Variants in TMEM53 observed in about 807,000 individuals in gnomAD.
TMEM53 encodes the protein novel DUF829 domain-containing protein.
In TMEM53, 14 loss-of-function variants were observed where a neutral mutation model predicts 21.4. The observed-to-expected ratio is 0.65, with a 90% CI of 0.43 to 1.02. The LOEUF (loss-of-function observed/expected upper bound fraction) is 1.02. TMEM53 is among the 50% of genes least tolerant of loss of function. The probability of loss-of-function intolerance (pLI) is 0.00; values close to 1 mark genes in which losing one functional copy is unlikely to be tolerated. For synonymous variants in TMEM53, 148 were observed against 157.4 expected, an observed-to-expected ratio of 0.94 and a Z score of 0.45; for missense variants, 323 against 383.6, an observed-to-expected ratio of 0.84 and a Z score of 1.32.
intron 1 of TMEM53, among the ~76,000 whole-genome samples, chr1:44,672,813 G>C (rs1425362609): frequency 6.6e-6 from 1 of 151,662 alleles, no homozygotes; most frequent in African/African-American, 2.4e-5. Context: ...AACCACAGGG[G>C]AGCAATGCAA....
intron 1 of TMEM53, among the ~76,000 whole-genome samples, chr1:44,672,803 A>C (rs1420600599): frequency 2.0e-5 from 3 of 150,262 alleles, no homozygotes; most frequent in Non-Finnish European, 1.5e-5. Context: ...GCTGAGGGGG[A>C]ACCACAGGGG....
rs757426701 is a variant in TMEM53, at chr1:44,654,886, C to G, written c.507G>C (p.Leu169=). Reference sequence around the variant, plus strand: ...CAAAGGCCACCAGCAGCAACAGGCGCAGCATGGCGGCCCGGCGCTCCAGGA... The same window carrying G: ...CAAAGGCCACCAGCAGCAACAGGCGGAGCATGGCGGCCCGGCGCTCCAGGA... The part of the protein sequence containing the change: ...AAILERRAAM[L]RLLLLVAFAL... The change falls in exon 3 of 3, where the codon CTG becomes CTC. Residue 169 remains leucine, a synonymous_variant. Coordinates refer to ENST00000372237, the MANE Select transcript of TMEM53 (RefSeq NM_024587.4). This position sits in a 1 kb window ranked among gnomAD's most constrained non-coding sequence, Gnocchi z 7.0. 2 of 1,612,534 alleles carry G rather than the reference C, an allele frequency of 1.2e-6. No individual in the cohort carries two copies. Among genetic ancestry groups the G allele is most frequent in the African/African-American group, 2.7e-5 (2 of 74,920 alleles).
At chr1:44,671,021 A>G (rs1644995677) in intron 1 of TMEM53, among the ~76,000 whole-genome samples, 1 of 152,206 alleles carries the variant, frequency 6.6e-6, no homozygotes, top group Non-Finnish European at 1.5e-5. Context: ...GATTCCATTC[A>G]GCTCACTTGG....
chr1:44,665,466 G>A (rs1245325288), intron 1 of TMEM53, among the ~76,000 whole-genome samples: 5 of 151,952 alleles, frequency 3.3e-5, no homozygotes, highest in East Asian at 1.9e-4. Flanking sequence ...GTGAAACCCC[G>A]TCTCTACTAA....
intron 2 of TMEM53, among the ~76,000 whole-genome samples, chr1:44,656,810 G>A (rs1341066835): frequency 3.3e-5 from 5 of 152,062 alleles, no homozygotes; most frequent in Admixed American, 3.3e-4. Flanking sequence ...TCAGGAGTTC[G>A]AGACCAGCCT....
At chr1:44,666,053 A>G (rs1344140105) in intron 1 of TMEM53, among the ~76,000 whole-genome samples, 1 of 152,248 alleles carries the variant, frequency 6.6e-6, no homozygotes, top group East Asian at 1.9e-4. Context: ...CAACTCAAAA[A>G]TTGGCAAAGG....
chr1:44,662,551 T>C (rs1036316186), intron 1 of TMEM53, among the ~76,000 whole-genome samples: 2 of 152,016 alleles, frequency 1.3e-5, no homozygotes, highest in Non-Finnish European at 2.9e-5. Flanking sequence ...GGCGGCCTCA[T>C]GGAGGGTAAT....
intron 1 of TMEM53, among the ~76,000 whole-genome samples, chr1:44,669,399 T>G (rs1312166156): frequency 6.6e-6 from 1 of 152,258 alleles, no homozygotes; most frequent in East Asian, 1.9e-4. Context: ...CCCCTTTCTT[T>G]GTGCATGTCC....
chr1:44,657,866 TAG>T (rs1644863556), intron 2 of TMEM53, among the ~76,000 whole-genome samples: 1 of 150,122 alleles, frequency 6.7e-6, no homozygotes, highest in Non-Finnish European at 1.5e-5. Flanking sequence ...AATAAAATAT[TAG>T]AGTTTTGGGT....
chr1:44,660,439 C>T, intron 1 of TMEM53, 144 bp from the exon 2 acceptor site: 1 of 1,195,756 alleles, frequency 8.4e-7, no homozygotes, highest in Non-Finnish European at 1.2e-6. Flanking sequence ...ACGCATGCAC[C>T]AGTTCCCACC....
At chr1:44,672,247 G>A (rs1645008392) in intron 1 of TMEM53, among the ~76,000 whole-genome samples, 1 of 152,250 alleles carries the variant, frequency 6.6e-6, no homozygotes, top group Non-Finnish European at 1.5e-5. Context: ...ACTGAAAGCC[G>A]TGGAGGTGTT....
intron 1 of TMEM53, among the ~76,000 whole-genome samples, chr1:44,670,781 G>A (rs890732694): frequency 9.8e-5 from 15 of 152,338 alleles, no homozygotes; most frequent in African/African-American, 3.4e-4. Context: ...CAAAATGTTT[G>A]TCCCATGACC....
chr1:44,657,095 G>A (rs1644857555), intron 2 of TMEM53, among the ~76,000 whole-genome samples: 1 of 152,146 alleles, frequency 6.6e-6, no homozygotes, highest in Non-Finnish European at 1.5e-5. Flanking sequence ...TCGGGAGGCT[G>A]GAGGCAGAAT....
chr1:44,660,965 T>A (rs1644896750), intron 1 of TMEM53, among the ~76,000 whole-genome samples: 1 of 148,252 alleles, frequency 6.7e-6, no homozygotes, highest in Non-Finnish European at 1.5e-5. Flanking sequence ...AGAGTGAGAC[T>A]CTGTCTCAAA....
chr1:44,672,300 C>T (rs1645008764), intron 1 of TMEM53, among the ~76,000 whole-genome samples: 2 of 152,248 alleles, frequency 1.3e-5, no homozygotes, highest in African/African-American at 2.4e-5. Flanking sequence ...TCCTCTTGAA[C>T]AGAGGAAGAG....
Position 44,654,415 on chromosome 1 carries a change from G to T in TMEM53, c.*144C>A. On this transcript the variant is annotated 3_prime_UTR_variant, in exon 3 of 3. Transcript: ENST00000372237. This position sits in a 1 kb window ranked among gnomAD's most constrained non-coding sequence, Gnocchi z 7.0. ...GCAGACAGAGGCCCCCAGGAGACAG[G>T]CCCATAGGAATTTTCTACTTAGGGG... is the stretch of plus-strand genomic sequence containing the variant. 1 of 937,114 alleles carries T rather than the reference G, an allele frequency of 1.1e-6. No homozygotes were observed. The highest frequency in any genetic ancestry group is 1.6e-6 in the Non-Finnish European group (1 of 623,378). The allele number at this position is 937,114 out of a possible 1,614,324, so 58.0% of individuals were successfully genotyped here. A position where few individuals can be genotyped will look rare whatever the true frequency, so the allele number is the denominator to read the frequency against.
chr1:44,669,277 T>C (rs567370207), intron 1 of TMEM53, among the ~76,000 whole-genome samples: 1 of 152,354 alleles, frequency 6.6e-6, no homozygotes, highest in African/African-American at 2.4e-5. Flanking sequence ...TTATTTTTAG[T>C]GGCTTCAGAG....
At chr1:44,667,147 G>A (rs776329585) in intron 1 of TMEM53, among the ~76,000 whole-genome samples, 5 of 149,750 alleles carry the variant, frequency 3.3e-5, no homozygotes, top group African/African-American at 4.9e-5. Context: ...CTGGCCAGAA[G>A]TACATTTTTA....
intron 2 of TMEM53, among the ~76,000 whole-genome samples, chr1:44,659,393 G>T (rs1644878766): frequency 6.6e-6 from 1 of 152,204 alleles, no homozygotes; most frequent in South Asian, 2.1e-4. Context: ...GGAGCTGGAG[G>T]CCCAAGATGT....
Sources: allele counts gnomAD v4.1 joint callset (sites outside exome capture counted in the v4.1 genomes callset), GRCh38; gene constraint gnomAD v4.1.1; non-coding constraint Gnocchi (gnomAD v3.1); transcripts MANE v1.5; gene names NCBI Gene and HGNC (gene_info 2026-07-23, HGNC 2026-07-21).